BLTP3B: variants seen among roughly 807,000 people sequenced by gnomAD.
BLTP3B encodes the protein UHRF1 (ICBP90) binding protein 1-like.
the BLTP3B span, among the ~76,000 whole-genome samples, chr12:100,056,580 G>A: frequency 1.2e-4 from 19 of 152,058 alleles, no homozygotes; most frequent in Admixed American, 9.2e-4. Flanking sequence ...GCTCATGCCT[G>A]TAATCCCAGC....
chr12:100,065,509 T>A, the BLTP3B span, among the ~76,000 whole-genome samples: 1 of 152,164 alleles, frequency 6.6e-6, no homozygotes, highest in Non-Finnish European at 1.5e-5. Flanking sequence ...AGGAATTGCA[T>A]TCCTGGGGGG....
chr12:100,101,747 C>T, the BLTP3B span, among the ~76,000 whole-genome samples: 1 of 152,190 alleles, frequency 6.6e-6, no homozygotes, highest in African/African-American at 2.4e-5. Flanking sequence ...AAAGCAAAAA[C>T]ATTTTAAACT....
the BLTP3B span, chr12:100,128,432 G>T: frequency 4.1e-6 from 2 of 491,014 alleles, no homozygotes; most frequent in Non-Finnish European, 5.6e-6. Flanking sequence ...AATTACATGA[G>T]CCTCTAGCTA....
chr12:100,079,091 T>C, the BLTP3B span, among the ~76,000 whole-genome samples: 2 of 152,232 alleles, frequency 1.3e-5, no homozygotes, highest in South Asian at 2.1e-4. Flanking sequence ...TTTTCCTGTA[T>C]AAATTGCCCA....
At chr12:100,128,424 T>A in the BLTP3B span, among the ~76,000 whole-genome samples, 1 of 151,984 alleles carries the variant, frequency 6.6e-6, no homozygotes, top group Non-Finnish European at 1.5e-5. Context: ...CAGAGAGGAA[T>A]TACATGAGCC....
chr12:100,105,816 A>C, the BLTP3B span, among the ~76,000 whole-genome samples: 2 of 152,172 alleles, frequency 1.3e-5, no homozygotes, highest in South Asian at 4.1e-4. Context: ...GTGTCTGACA[A>C]AGGACTAATA....
the BLTP3B span, among the ~76,000 whole-genome samples, chr12:100,048,847 C>T: frequency 1.4e-5 from 2 of 146,898 alleles, no homozygotes; most frequent in Non-Finnish European, 3.0e-5. Context: ...CCCTGTCCCC[C>T]CAAAAAATTT....
chr12:100,129,289 G>A, the BLTP3B span, among the ~76,000 whole-genome samples: 71 of 152,162 alleles, frequency 4.7e-4, 1 homozygote, highest in African/African-American at 1.7e-3. Context: ...ATAGTGGGGG[G>A]AGAAAAGCTT....
At chr12:100,098,181 G>A in the BLTP3B span, among the ~76,000 whole-genome samples, 1 of 152,076 alleles carries the variant, frequency 6.6e-6, no homozygotes, top group Non-Finnish European at 1.5e-5. Context: ...TTGCGCCACT[G>A]CACTCCAGCC....
the BLTP3B span, among the ~76,000 whole-genome samples, chr12:100,043,868 T>C: frequency 6.6e-6 from 1 of 152,184 alleles, no homozygotes; most frequent in Admixed American, 6.5e-5. Flanking sequence ...AACCTCAGTA[T>C]CTTGTTGGGG....
At chr12:100,086,142 C>T in the BLTP3B span, 4 of 485,998 alleles carry the variant, frequency 8.2e-6, no homozygotes, top group African/African-American at 2.0e-5. Context: ...TGAAATACTG[C>T]CAGGAGAAAA....
At chr12:100,136,821 T>A in the BLTP3B span, among the ~76,000 whole-genome samples, 4 of 151,782 alleles carry the variant, frequency 2.6e-5, no homozygotes, top group Admixed American at 2.6e-4. Context: ...TTTTTTTTTA[T>A]TTTTTTTGAG....
the BLTP3B span, chr12:100,059,822 T>A: frequency 6.4e-7 from 1 of 1,574,560 alleles, no homozygotes; most frequent in Non-Finnish European, 8.6e-7. Flanking sequence ...CAAAATTAAA[T>A]CATTACTACT....
the BLTP3B span, chr12:100,037,566 G>C: frequency 6.4e-7 from 1 of 1,562,460 alleles, no homozygotes; most frequent in South Asian, 1.2e-5. Context: ...CCCCTAACTG[G>C]TAACATCCAC....
chr12:100,092,438 A>G, the BLTP3B span, among the ~76,000 whole-genome samples: 4 of 152,242 alleles, frequency 2.6e-5, no homozygotes, highest in Non-Finnish European at 5.9e-5. Flanking sequence ...AAACTTGCAT[A>G]TGCCCACTAA....
At chr12:100,063,476 G>A in the BLTP3B span, among the ~76,000 whole-genome samples, 4 of 152,164 alleles carry the variant, frequency 2.6e-5, no homozygotes, top group Admixed American at 2.6e-4. Flanking sequence ...GGAGGTCAAG[G>A]TGGGTGGATC....
At chr12:100,039,891 T>C in the BLTP3B span, 4 of 1,070,300 alleles carry the variant, frequency 3.7e-6, no homozygotes, top group African/African-American at 6.5e-5. Flanking sequence ...TATCTATATA[T>C]ATTAGTTATG....
chr12:100,053,466 A>C, the BLTP3B span, among the ~76,000 whole-genome samples: 2 of 152,114 alleles, frequency 1.3e-5, no homozygotes, highest in Non-Finnish European at 2.9e-5. Context: ...GGATAAGAAG[A>C]GATGTGGAAA....
the BLTP3B span, among the ~76,000 whole-genome samples, chr12:100,117,167 C>T: frequency 6.6e-6 from 1 of 152,154 alleles, no homozygotes; most frequent in Non-Finnish European, 1.5e-5. Flanking sequence ...GGAGGTGGAG[C>T]ATAACTCCTC....
Sources: allele counts gnomAD v4.1 joint callset (sites outside exome capture counted in the v4.1 genomes callset), GRCh38; gene constraint gnomAD v4.1.1; transcripts MANE v1.5; gene names NCBI Gene and HGNC (gene_info 2026-07-23, HGNC 2026-07-21).